Variants in PTPRG observed in about 807,000 individuals in gnomAD.
The protein encoded by PTPRG is receptor-type tyrosine-protein phosphatase gamma.
A neutral mutation model predicts 165.3 loss-of-function variants in PTPRG; 102 were observed. That is an observed-to-expected ratio of 0.62 (90% CI 0.53 to 0.73). PTPRG has a LOEUF of 0.73. Among genes scored for constraint, PTPRG ranks in the 30% least tolerant of loss-of-function variants. The pLI, the probability that PTPRG is intolerant of heterozygous loss-of-function variation, is 0.00. For missense variants in PTPRG, 1,866 were observed against 1,861.4 expected, an observed-to-expected ratio of 1.00 and a Z score of -0.05; for synonymous variants, 675 against 669.5, an observed-to-expected ratio of 1.01 and a Z score of -0.13.
chr3:62,029,217 A>G (rs555174805), intron 4 of PTPRG, among the ~76,000 whole-genome samples: 2 of 152,246 alleles, frequency 1.3e-5, no homozygotes, highest in Non-Finnish European at 2.9e-5. Flanking sequence ...CAAGAATTCT[A>G]TGTGTATCTT....
intron 15 of PTPRG, among the ~76,000 whole-genome samples, chr3:62,248,691 A>G (rs1014175601): frequency 2.0e-5 from 3 of 152,238 alleles, no homozygotes; most frequent in Admixed American, 6.5e-5. Context: ...TTAACCTGTT[A>G]TAGAGCATAT....
At chr3:62,162,771 G>A (rs1704816238) in intron 7 of PTPRG, among the ~76,000 whole-genome samples, 1 of 152,216 alleles carries the variant, frequency 6.6e-6, no homozygotes, top group Non-Finnish European at 1.5e-5. Flanking sequence ...CTCTTTCAGT[G>A]GATAATGCTA....
chr3:61,846,814 C>T (rs1422276337), intron 2 of PTPRG, among the ~76,000 whole-genome samples: 1 of 152,086 alleles, frequency 6.6e-6, no homozygotes, highest in Non-Finnish European at 1.5e-5. Flanking sequence ...ACTTAGGAAG[C>T]TGAGGTTGGA....
chr3:61,832,885 T>G (rs2036342060), intron 2 of PTPRG, among the ~76,000 whole-genome samples: 1 of 152,168 alleles, frequency 6.6e-6, no homozygotes, highest in Non-Finnish European at 1.5e-5. Flanking sequence ...GTCCCCAAAG[T>G]CCAGCGTTAT....
At chr3:61,714,288 T>C (rs1007599417) in intron 1 of PTPRG, among the ~76,000 whole-genome samples, 2 of 152,088 alleles carry the variant, frequency 1.3e-5, no homozygotes, top group African/African-American at 4.8e-5. Context: ...GGTGGGCCCA[T>C]AGCTGCGAGG....
At chr3:61,657,209 A>G (rs1278429910) in intron 1 of PTPRG, among the ~76,000 whole-genome samples, 6 of 152,032 alleles carry the variant, frequency 3.9e-5, no homozygotes, top group African/African-American at 9.7e-5. Context: ...GTTTTGTTCA[A>G]TTTCTTCTTG....
chr3:62,261,763 G>C (rs980605089), intron 16 of PTPRG: 1 of 101,468 alleles, frequency 9.9e-6, no homozygotes, highest in Admixed American at 1.2e-4. Context: ...CCTCCTTCTA[G>C]AGAAGAAGTG....
intron 1 of PTPRG, among the ~76,000 whole-genome samples, chr3:61,565,869 C>G (rs926108780): frequency 6.6e-6 from 1 of 151,582 alleles, no homozygotes; most frequent in Non-Finnish European, 1.5e-5. Context: ...CCGTTATGGC[C>G]TTAGGAAAAG....
chr3:62,241,935 A>T (rs575527230), intron 14 of PTPRG, among the ~76,000 whole-genome samples: 10 of 152,290 alleles, frequency 6.6e-5, no homozygotes, highest in Middle Eastern at 6.8e-3. Context: ...CTTAGCTATG[A>T]TACTGGATGG....
intron 2 of PTPRG, among the ~76,000 whole-genome samples, chr3:61,956,307 C>G (rs1337288892): frequency 6.6e-6 from 1 of 152,068 alleles, no homozygotes; most frequent in African/African-American, 2.4e-5. Context: ...CACACACACA[C>G]ACGCTTACTA....
At chr3:61,837,937 C>A (rs1167161711) in intron 2 of PTPRG, among the ~76,000 whole-genome samples, 3 of 152,202 alleles carry the variant, frequency 2.0e-5, no homozygotes, top group Non-Finnish European at 4.4e-5. Flanking sequence ...TGTCTTTCTT[C>A]TTCCTCTTAC....
chr3:62,005,258 T>G (rs2041268318), intron 4 of PTPRG, among the ~76,000 whole-genome samples: 1 of 152,214 alleles, frequency 6.6e-6, no homozygotes, highest in African/African-American at 2.4e-5. Flanking sequence ...TTCTACTTAA[T>G]TGGTTCTCTT....
chr3:62,203,626 G>C lies in PTPRG; in HGVS notation c.1831G>C (p.Val611Leu). 6.4e-7 allele frequency: 1 copy of C among 1,554,968 alleles called. No individual in the cohort carries two copies. The highest frequency in any genetic ancestry group is 8.7e-7 in the Non-Finnish European group (1 of 1,148,678). Residue 611 changes from valine (V) to leucine (L), a missense_variant, in exon 12 of 30, where the codon GTG becomes CTG. By Grantham distance (32) the Val-to-Leu change is conservative (BLOSUM62 1). This residue lies in a region of PTPRG where 1,452 missense variants were observed against 1,463.0 expected (regional missense o/e 0.99). Transcript: ENST00000474889. This position sits in a 1 kb window ranked among gnomAD's most constrained non-coding sequence, Gnocchi z 6.4. ...CTCCGAAAAGAAGGAGAAGAGTGGGGTGACCCACGCTGCCGAGGAGCGGAA... is the reference window on the plus strand; with the variant it reads ...CTCCGAAAAGAAGGAGAAGAGTGGGCTGACCCACGCTGCCGAGGAGCGGAA... The part of the protein sequence containing the change: ...KDSEKKEKSG[V>L]THAAEERNQT...
intron 5 of PTPRG, among the ~76,000 whole-genome samples, chr3:62,121,032 C>T (rs1167030681): frequency 6.6e-6 from 1 of 151,648 alleles, no homozygotes; most frequent in Admixed American, 6.6e-5. Flanking sequence ...GCAAGCTGTG[C>T]CCCCCGGGTT....
chr3:62,140,194 C>A (rs1703869501), intron 6 of PTPRG, among the ~76,000 whole-genome samples: 2 of 152,220 alleles, frequency 1.3e-5, no homozygotes, highest in African/African-American at 4.8e-5. Flanking sequence ...GCACTTGGTT[C>A]AGCCCCTTAA....
Position 61,893,404 on chromosome 3 carries a change from T to C in PTPRG, c.191-96221T>C, listed in dbSNP as rs116502380. Reference sequence around the variant, plus strand: ...CATAAGAACCCCATAAGGTAGTCAATGTCAATATCTCTTTTTAGCATTTTG... The same window carrying C: ...CATAAGAACCCCATAAGGTAGTCAACGTCAATATCTCTTTTTAGCATTTTG... On this transcript the variant is annotated intron_variant, in intron 2 of 29. Transcript: ENST00000474889. Among the ~76,000 whole-genome samples the C allele has an allele frequency of 2.8e-3, 431 of 152,350 alleles. 1 individual carries two copies. The highest frequency in any genetic ancestry group is 9.7e-3 in the African/African-American group (405 of 41,582).
At chr3:61,975,002 C>G (rs756236655) in intron 2 of PTPRG, among the ~76,000 whole-genome samples, 42 of 152,212 alleles carry the variant, frequency 2.8e-4, no homozygotes, top group Non-Finnish European at 5.3e-4. Context: ...AGCCATCTCT[C>G]TGAGTTTGAA....
chr3:62,191,959 C>A (rs1230140362), intron 9 of PTPRG, among the ~76,000 whole-genome samples: 1 of 152,154 alleles, frequency 6.6e-6, no homozygotes, highest in African/African-American at 2.4e-5. Flanking sequence ...CTCAATTAGG[C>A]CCTTTTCATC....
intron 3 of PTPRG, among the ~76,000 whole-genome samples, chr3:61,992,956 CA>C (rs2040933115): frequency 6.6e-6 from 1 of 152,178 alleles, no homozygotes; most frequent in African/African-American, 2.4e-5. Flanking sequence ...CATGAGCCAC[CA>C]TGCTTGGCTA....
Sources: gnomAD v4.1 joint callset for allele counts (sites outside exome capture counted in the v4.1 genomes callset) on GRCh38, gnomAD v4.1.1 for gene constraint, gnomAD v4.1.1 regional missense constraint, Gnocchi (gnomAD v3.1) non-coding constraint, MANE v1.5 for transcripts, NCBI Gene and HGNC (gene_info 2026-07-23, HGNC 2026-07-21) for gene names.